Variants in NBL1 observed in about 807,000 individuals in gnomAD.
NBL1 encodes neuroblastoma suppressor of tumorigenicity 1.
In NBL1, 9 loss-of-function variants were observed where a neutral mutation model predicts 16.0. That is an observed-to-expected ratio of 0.56 (90% confidence interval 0.34 to 0.98). The LOEUF is 0.98. Ranked by LOEUF, NBL1 falls within the 50% of genes least tolerant of loss-of-function variation. The pLI is 0.02. For missense variants in NBL1, 196 were observed against 243.1 expected, an observed-to-expected ratio of 0.81 and a Z score of 1.29; for synonymous variants, 86 against 100.7, an observed-to-expected ratio of 0.85 and a Z score of 0.87.
At chr1:19,654,968 C>T (rs1032462782) in intron 1 of NBL1, 44 bp from the exon 2 acceptor site, 3 of 1,519,738 alleles carry the variant, frequency 2.0e-6, no homozygotes, top group Middle Eastern at 2.5e-4. Context: ...ACCCGGCCCC[C>T]TGCACCTTGC....
Position 19,650,871 on chromosome 1 carries a change from C to T in NBL1, c.-19-4141C>T, listed in dbSNP as rs558487108. On this transcript the variant is annotated intron_variant, in intron 1 of 3. Coordinates refer to ENST00000375136, the MANE Select transcript of NBL1 (RefSeq NM_005380.8). The stretch of plus-strand genomic sequence containing the variant: ...ACCGGTGGGGGCAGCCTGGGCTCTT[C>T]GGGGCTGGGCAGGAGGGTGGGCGGA... Among the ~76,000 whole-genome samples, 11 of 152,230 alleles carry T rather than the reference C, an allele frequency of 7.2e-5. 1 individual carries two copies. The highest frequency in any genetic ancestry group is 4.1e-4 in the South Asian group (2 of 4,822).
At chr1:19,654,990 T>C (rs1294353127) in intron 1 of NBL1, 22 bp from the exon 2 acceptor site, 1 of 1,546,612 alleles carries the variant, frequency 6.5e-7, no homozygotes, top group African/African-American at 1.4e-5. Context: ...GTGCCTCACC[T>C]GGCACCTGTG....
Position 19,658,279 on chromosome 1 carries a change from C to T in NBL1, c.*1150C>T, listed in dbSNP as rs1238983881. ...CCCATGAAGAAAGCCCCTCGTTGCC[C>T]AGCACTGTCTGCGTCTGCTCTTCTG... On this transcript the variant is annotated 3_prime_UTR_variant, in exon 4 of 4. Coordinates refer to ENST00000375136, the MANE Select transcript of NBL1 (RefSeq NM_005380.8). The T allele has an allele frequency of 1.3e-5, 2 of 152,720 alleles. No homozygotes were observed. The highest frequency in any genetic ancestry group is 2.9e-5 in the Non-Finnish European group (2 of 68,098). The allele number at this position is 152,720 out of a possible 1,614,324, so 9.5% of individuals were successfully genotyped here.
rs2094964983 is a variant in NBL1, at chr1:19,644,401, C to T, written c.-65C>T. On this transcript the variant is annotated 5_prime_UTR_variant, in exon 1 of 4. Coordinates refer to ENST00000375136, the MANE Select transcript of NBL1 (RefSeq NM_005380.8). The surrounding 1 kb of genome is among the most constrained non-coding windows in gnomAD (Gnocchi z 4.6). ...CGCCGAGCCTCCTGGGGCGCCCGGGCCCGCGACCCCCGCACCCAGCTCCGC... is the reference window on the plus strand; with the variant it reads ...CGCCGAGCCTCCTGGGGCGCCCGGGTCCGCGACCCCCGCACCCAGCTCCGC... 4 of 978,766 alleles carry T rather than the reference C, an allele frequency of 4.1e-6. No individual in the cohort carries two copies. The highest frequency in any genetic ancestry group is 4.8e-6 in the Non-Finnish European group (4 of 827,370). 60.6% of individuals were successfully genotyped at this position (978,766 alleles called of 1,614,324 possible). A position where few individuals can be genotyped will look rare whatever the true frequency, so the allele number is the denominator to read the frequency against.
rs766791857 is a variant in NBL1, at chr1:19,656,983, G to A, written c.400G>A (p.Val134Ile). ...GGAGCCTAGTCACGAGGGGCTGAGC[G>A]TCTATGTGCAGGGCGAGGACGGGCC... is the stretch of plus-strand genomic sequence containing the variant. ...GKEPSHEGLS[V>I]YVQGEDGPGS... The change falls in exon 4 of 4, where the codon GTC becomes ATC. Residue 134 changes from valine to isoleucine, a missense_variant. Transcript: ENST00000375136. The A allele has an allele frequency of 2.7e-5, 44 of 1,608,166 alleles. No homozygotes were observed. Among genetic ancestry groups the A allele is most frequent in the East Asian group, 2.7e-4 (12 of 44,584 alleles).
intron 1 of NBL1, among the ~76,000 whole-genome samples, chr1:19,653,863 A>G (rs2095041415): frequency 6.6e-6 from 1 of 152,232 alleles, no homozygotes; most frequent in African/African-American, 2.4e-5. Context: ...ACTGCCCTGC[A>G]GCGCCACCTT....
chr1:19,655,914 A>G (rs959452978), intron 3 of NBL1, among the ~76,000 whole-genome samples: 5 of 151,238 alleles, frequency 3.3e-5, no homozygotes, highest in Admixed American at 3.3e-4. Flanking sequence ...TTGGAACACC[A>G]CCTCTGTCCC....
chr1:19,657,605 C>CG lies in NBL1; in HGVS notation c.*478dup, dbSNP rs1558369665. ...GACCACTGGCAGAAACAGGAGGCTC[C>CG]GGCCCACAGGTTTCCCCAAGGCCTC... On this transcript the variant is annotated 3_prime_UTR_variant, in exon 4 of 4. Transcript: ENST00000375136. 7.5e-4 allele frequency: 1 copy of CG among 1,338 alleles called. No individual in the cohort carries two copies. The highest frequency in any genetic ancestry group is 1.5e-3 in the Non-Finnish European group (1 of 656). The allele number at this position is 1,338 out of a possible 1,614,324, so 0.1% of individuals were successfully genotyped here. A position where few individuals can be genotyped will look rare whatever the true frequency, so the allele number is the denominator to read the frequency against.
chr1:19,651,722 G>T (rs1230872554), intron 1 of NBL1, among the ~76,000 whole-genome samples: 2 of 150,754 alleles, frequency 1.3e-5, no homozygotes, highest in Non-Finnish European at 3.0e-5. Context: ...TTTTTGACAG[G>T]TTCTTGCTCT....
chr1:19,656,567 G>A (rs1420248034), intron 3 of NBL1, among the ~76,000 whole-genome samples: 1 of 151,922 alleles, frequency 6.6e-6, no homozygotes, highest in Non-Finnish European at 1.5e-5. Flanking sequence ...GAGGGGTCAG[G>A]GTTTGTCTCC....
intron 1 of NBL1, among the ~76,000 whole-genome samples, chr1:19,645,133 C>T (rs1308771023): frequency 1.3e-5 from 2 of 152,208 alleles, no homozygotes; most frequent in Non-Finnish European, 2.9e-5. Context: ...GCTCGCCTTC[C>T]CCCAGCGGGG....
At chr1:19,648,346 G>A (rs533398510) in intron 1 of NBL1, among the ~76,000 whole-genome samples, 125 of 152,272 alleles carry the variant, frequency 8.2e-4, no homozygotes, top group Middle Eastern at 6.8e-3. Flanking sequence ...CTGGGAGGCC[G>A]TTGCTCCTGG....
chr1:19,654,941 C>T, intron 1 of NBL1, 71 bp from the exon 2 acceptor site: 1 of 1,472,470 alleles, frequency 6.8e-7, no homozygotes, highest in Non-Finnish European at 9.0e-7. Flanking sequence ...TGCCAGAGTC[C>T]ATGCTGTAAC....
chr1:19,655,230 C>G, intron 2 of NBL1, 30 bp downstream of exon 2: 1 of 1,602,942 alleles, frequency 6.2e-7, no homozygotes, highest in Non-Finnish European at 8.5e-7. Flanking sequence ...TGGGGGGATG[C>G]GGACAGGGGT....
At chr1:19,654,700 A>AT (rs1430646798) in intron 1 of NBL1, among the ~76,000 whole-genome samples, 1 of 152,112 alleles carries the variant, frequency 6.6e-6, no homozygotes, top group Admixed American at 6.6e-5. Context: ...AGGCACCGAG[A>AT]TAAAAAGTAA....
chr1:19,657,074 A>G lies in NBL1; in HGVS notation c.491A>G (p.Glu164Gly), dbSNP rs1183881899. Residue 164 changes from glutamate (E) to glycine (G), a missense_variant, in exon 4 of 4, where the codon GAG becomes GGG. Glu to Gly is a moderately conservative substitution (Grantham distance 98, BLOSUM62 -2). Transcript: ENST00000375136. ...PHPHPGGQTP[E>G]PEDPPGAPHT... is the part of the protein sequence containing the mutation. ...CCCCATCCTGGCGGGCAGACCCCTGAGCCCGAGGACCCCCCTGGGGCCCCC... is the reference window on the plus strand; with the variant it reads ...CCCCATCCTGGCGGGCAGACCCCTGGGCCCGAGGACCCCCCTGGGGCCCCC... 1 of 1,491,504 alleles carries G rather than the reference A, an allele frequency of 6.7e-7. No individual in the cohort carries two copies. Among genetic ancestry groups the G allele is most frequent in the South Asian group, 1.2e-5 (1 of 81,434 alleles). 92.4% of individuals were successfully genotyped at this position (1,491,504 alleles called of 1,614,324 possible). A position where few individuals can be genotyped will look rare whatever the true frequency, so the allele number is the denominator to read the frequency against.
intron 1 of NBL1, among the ~76,000 whole-genome samples, chr1:19,648,177 G>A (rs561880775): frequency 1.3e-5 from 2 of 152,310 alleles, no homozygotes; most frequent in East Asian, 1.9e-4. Flanking sequence ...AGGGTTTCAC[G>A]GTGGGCGGGA....
rs923424989 is a variant in NBL1, at chr1:19,647,683, G to A, written c.-20+3237G>A. On this transcript the variant is annotated intron_variant, in intron 1 of 3. Transcript: ENST00000375136. ...GCTGAGCCCACAGGTAGAATCGTCC[G>A]TCTCCATCAGCTGGGGCCAAGTGTG... 1.2e-5 allele frequency: 12 copies of A among 985,286 alleles called. No homozygotes were observed. In the African/African-American group the frequency reaches 1.4e-4, roughly 11 times the overall value. 61.0% of individuals were successfully genotyped at this position (985,286 alleles called of 1,614,324 possible). A position where few individuals can be genotyped will look rare whatever the true frequency, so the allele number is the denominator to read the frequency against.
intron 1 of NBL1, among the ~76,000 whole-genome samples, chr1:19,653,180 G>A (rs915645783): frequency 1.3e-5 from 2 of 150,454 alleles, no homozygotes; most frequent in African/African-American, 4.9e-5. Context: ...CCAGCTACAC[G>A]GGAGGCTGAG....
Sources: allele counts gnomAD v4.1 joint callset (sites outside exome capture counted in the v4.1 genomes callset), GRCh38; gene constraint gnomAD v4.1.1; non-coding constraint Gnocchi (gnomAD v3.1); transcripts MANE v1.5; gene names NCBI Gene and HGNC (gene_info 2026-07-23, HGNC 2026-07-21).